The following TENM3 variants were observed in gnomAD, a reference collection of about 807,000 sequenced individuals.
The protein encoded by TENM3 is teneurin-3.
In TENM3, 63 loss-of-function variants were observed where a neutral mutation model predicts 255.1. The observed-to-expected ratio is 0.25, with a 90% CI of 0.20 to 0.30. The LOEUF (loss-of-function observed/expected upper bound fraction) is 0.30, where lower values mean the gene tolerates loss of function less well. Ranked by LOEUF, TENM3 falls within the 10% of genes least tolerant of loss-of-function variation. TENM3 has a pLI of 1.00. For missense variants in TENM3, 2,929 were observed against 3,461.1 expected, an observed-to-expected ratio of 0.85 and a Z score of 3.86; for synonymous variants, 1,306 against 1,322.3, an observed-to-expected ratio of 0.99 and a Z score of 0.27.
the TENM3 span, among the ~76,000 whole-genome samples, chr4:182,085,341 A>T: frequency 6.6e-6 from 1 of 152,118 alleles, no homozygotes. Context: ...CTTTTCACAC[A>T]TCCTTGCCCT....
In TENM3 at chr4:182,799,469, T is replaced by C; in HGVS notation, c.7345-127T>C. On this transcript the variant is annotated intron_variant, in intron 27 of 27. Transcript: ENST00000511685. This position sits in a 1 kb window ranked among gnomAD's most constrained non-coding sequence, Gnocchi z 4.2. The stretch of plus-strand genomic sequence containing the variant: ...CCCTCCACCCGGGCTGTCAGCCTTC[T>C]GGTCAGGGAAGGACCCCGGGGCTTC... The C allele has an allele frequency of 8.0e-7, 1 of 1,243,128 alleles. No homozygotes were observed. The highest frequency in any genetic ancestry group is 1.6e-5 in the South Asian group (1 of 63,386). The allele number at this position is 1,243,128 out of a possible 1,614,324, so 77.0% of individuals were successfully genotyped here. A position where few individuals can be genotyped will look rare whatever the true frequency, so the allele number is the denominator to read the frequency against.
At chr4:181,604,714 G>A in the TENM3 span, among the ~76,000 whole-genome samples, 2,377 of 152,262 alleles carry the variant, frequency 0.016, 38 homozygotes, top group South Asian at 0.068. Context: ...CTTTATGTGT[G>A]GCATTTCATC....
chr4:182,491,170 TA>T (rs2151585148), intron 3 of TENM3, among the ~76,000 whole-genome samples: 1 of 152,240 alleles, frequency 6.6e-6, no homozygotes, highest in African/African-American at 2.4e-5. Flanking sequence ...TTTTAATTAA[TA>T]AAGTAAACGT....
chr4:182,783,884 C>T (rs1204037040), intron 24 of TENM3, among the ~76,000 whole-genome samples: 2 of 152,040 alleles, frequency 1.3e-5, no homozygotes, highest in African/African-American at 4.8e-5. Context: ...ACGTAGTTCT[C>T]GAGCCTTGGT....
chr4:182,798,227 T>C (rs1435000708), intron 27 of TENM3, among the ~76,000 whole-genome samples: 1 of 152,186 alleles, frequency 6.6e-6, no homozygotes, highest in Non-Finnish European at 1.5e-5. Context: ...AGGCTGGTCT[T>C]GAACTCCTGG....
the TENM3 span, among the ~76,000 whole-genome samples, chr4:181,605,508 AAGAAAGAAAG>A: frequency 1.7e-4 from 3 of 17,998 alleles, no homozygotes; most frequent in Non-Finnish European, 4.2e-4. Context: ...GAAAGAAAGA[AAGAAAGAAAG>A]AAAGAAAGAA....
At chr4:181,467,155 A>G in the TENM3 span, among the ~76,000 whole-genome samples, 1 of 75,210 alleles carries the variant, frequency 1.3e-5, no homozygotes, top group African/African-American at 6.1e-5. Flanking sequence ...TTTTAGGCAG[A>G]GTCTCGCTCT....
chr4:181,809,987 G>A, the TENM3 span, among the ~76,000 whole-genome samples: 2 of 152,068 alleles, frequency 1.3e-5, no homozygotes, highest in Non-Finnish European at 2.9e-5. Flanking sequence ...AGAACTATAA[G>A]AGCGTACATT....
At position 182,754,846 on chromosome 4, in the gene TENM3, C is replaced by T. The variant is rs754528970; in HGVS notation, c.4479C>T (p.Ile1493=). The change falls in exon 22 of 28, where the codon ATC becomes ATT. Residue 1493 remains isoleucine, a synonymous_variant. Coordinates refer to ENST00000511685, the MANE Select transcript of TENM3 (RefSeq NM_001080477.4). The surrounding 1 kb of genome is among the most constrained non-coding windows in gnomAD (Gnocchi z 5.1). ...GTLYIADLGN[I]RIRAVSKNKP... is the part of the protein sequence containing the mutation. ...TGTATATTGCAGATCTAGGGAATAT[C>T]CGGATCCGGGCTGTGTCAAAGAATA... 1 of 1,614,004 alleles carries T rather than the reference C, an allele frequency of 6.2e-7. No homozygotes were observed. The highest frequency in any genetic ancestry group is 8.5e-7 in the Non-Finnish European group (1 of 1,179,900).
chr4:182,632,662 G>C (rs1554038), intron 5 of TENM3, among the ~76,000 whole-genome samples: 8 of 151,592 alleles, frequency 5.3e-5, no homozygotes, highest in Non-Finnish European at 1.2e-4. Flanking sequence ...CACATGTTAT[G>C]TACTTCTCCA....
At chr4:181,759,965 A>C in the TENM3 span, among the ~76,000 whole-genome samples, 133 of 152,278 alleles carry the variant, frequency 8.7e-4, 1 homozygote, top group Admixed American at 4.1e-3. Context: ...GCCAGAGAGC[A>C]GCAGAGCCGA....
the TENM3 span, among the ~76,000 whole-genome samples, chr4:181,696,550 A>G: frequency 1.3e-5 from 2 of 152,364 alleles, no homozygotes; most frequent in South Asian, 4.1e-4. Context: ...AACAGCTCAT[A>G]TAGACTACTT....
chr4:181,968,401 G>T, the TENM3 span, among the ~76,000 whole-genome samples: 3,364 of 152,314 alleles, frequency 0.022, 59 homozygotes, highest in Non-Finnish European at 0.033. Context: ...CCAGGTGAGG[G>T]TCATCTGCCA....
chr4:181,572,651 T>A, the TENM3 span, among the ~76,000 whole-genome samples: 1 of 152,210 alleles, frequency 6.6e-6, no homozygotes, highest in African/African-American at 2.4e-5. Flanking sequence ...CATGAAATAC[T>A]CGCTACAGGC....
chr4:182,102,238 G>A, the TENM3 span, among the ~76,000 whole-genome samples: 1 of 152,186 alleles, frequency 6.6e-6, no homozygotes, highest in East Asian at 1.9e-4. Flanking sequence ...GGTTCCAGCA[G>A]TTTATTTAAA....
At chr4:182,052,338 G>A in the TENM3 span, among the ~76,000 whole-genome samples, 1 of 152,036 alleles carries the variant, frequency 6.6e-6, no homozygotes, top group Non-Finnish European at 1.5e-5. Flanking sequence ...TGAGATGGGG[G>A]AGAGAAGGAA....
In TENM3 at chr4:182,346,898, G is replaced by T. The variant is rs748163285; in HGVS notation, c.480G>T (p.Thr160=). The change falls in exon 3 of 28, where the codon ACG becomes ACT. Residue 160 remains threonine, a synonymous_variant. Coordinates refer to ENST00000511685, the MANE Select transcript of TENM3 (RefSeq NM_001080477.4). ...ACTCAGCCCTCACCCTGACAGATAC[G>T]GAGCACGAAAACAAGTCCGACAGTG... ...RSNSALTLTD[T]EHENKSDSEN... 2 of 1,611,218 alleles carry T rather than the reference G, an allele frequency of 1.2e-6. No individual in the cohort carries two copies. The highest frequency in any genetic ancestry group is 2.2e-5 in the South Asian group (2 of 90,760).
intron 1 of TENM3, among the ~76,000 whole-genome samples, chr4:182,196,739 T>G (rs531491849): frequency 1.3e-5 from 2 of 152,194 alleles, no homozygotes; most frequent in East Asian, 3.9e-4. Context: ...AAAGTTTTTC[T>G]TTTTCTTCTT....
chr4:181,956,783 G>A, the TENM3 span, among the ~76,000 whole-genome samples: 5 of 152,130 alleles, frequency 3.3e-5, no homozygotes, highest in African/African-American at 1.2e-4. Flanking sequence ...GATGCTATAG[G>A]CACTTGCTTT....
Sources: gnomAD v4.1 joint callset for allele counts (sites outside exome capture counted in the v4.1 genomes callset) on GRCh38, gnomAD v4.1.1 for gene constraint, Gnocchi (gnomAD v3.1) non-coding constraint, MANE v1.5 for transcripts, NCBI Gene and HGNC (gene_info 2026-07-23, HGNC 2026-07-21) for gene names.